Variants in BNIP3L observed in about 807,000 individuals in gnomAD.
The protein encoded by BNIP3L is BCL2 interacting protein 3 like, also known as BCL2/adenovirus E1B 19 kDa protein-interacting protein 3-like.
In BNIP3L, 10 loss-of-function variants were observed where a neutral mutation model predicts 25.5. The ratio of observed to expected loss-of-function variants is 0.39; its 90% CI spans 0.24 to 0.67. The LOEUF (loss-of-function observed/expected upper bound fraction) is 0.67. Ranked by LOEUF, BNIP3L falls within the 30% of genes least tolerant of loss-of-function variation. BNIP3L has a pLI of 0.45. For synonymous variants in BNIP3L, 113 were observed against 101.2 expected, an observed-to-expected ratio of 1.12 and a Z score of -0.70; for missense variants, 215 against 270.9, an observed-to-expected ratio of 0.79 and a Z score of 1.45.
In BNIP3L at chr8:26,407,986, ATTC is replaced by A. The variant is rs756249417; in HGVS notation, c.358-8_358-6del. 20 of 1,610,032 alleles carry A rather than the reference ATTC, an allele frequency of 1.2e-5. No homozygotes were observed. Among genetic ancestry groups the A allele is most frequent in the Admixed American group, 1.7e-5 (1 of 59,886 alleles). Reference sequence around the variant, plus strand: ...TCTTCCTTTTTTTCTTAAAGTTTGAATTCTTCTTTACAGTCAGAAGAAGAAGTT... The same window carrying A: ...TCTTCCTTTTTTTCTTAAAGTTTGAATTCTTTACAGTCAGAAGAAGAAGTT... On this transcript the variant is annotated splice_polypyrimidine_tract_variant and intron_variant, in intron 3 of 5. Coordinates refer to ENST00000380629, the MANE Select transcript of BNIP3L (RefSeq NM_004331.3).
chr8:26,391,798 A>G (rs915025847), intron 2 of BNIP3L, among the ~76,000 whole-genome samples: 4 of 152,210 alleles, frequency 2.6e-5, no homozygotes, highest in African/African-American at 4.8e-5. Flanking sequence ...TTACCTCTGT[A>G]TATATGTGTC....
chr8:26,390,615 G>A (rs1806085757), intron 1 of BNIP3L: 2 of 927,878 alleles, frequency 2.2e-6, no homozygotes, highest in African/African-American at 3.6e-5. Flanking sequence ...GCTTTTTTCT[G>A]AATTTTTAGC....
At chr8:26,404,992 G>A (rs1432247937) in intron 3 of BNIP3L, among the ~76,000 whole-genome samples, 1 of 152,208 alleles carries the variant, frequency 6.6e-6, no homozygotes, top group African/African-American at 2.4e-5. Flanking sequence ...GGTAGTGAAT[G>A]AGGAAAGCTT....
chr8:26,408,001 C>T lies in BNIP3L; in HGVS notation c.359C>T (p.Ser120Leu). Residue 120 changes from serine (S) to leucine (L), a missense_variant and splice_region_variant, in exon 4 of 6, where the codon TCA becomes TTA. Around this residue, in one of 4 missense-constraint regions of BNIP3L, gnomAD observed 47 missense variants for 43.3 expected, o/e 1.09. Transcript: ENST00000380629. ...MHTSRDHSSQ[S>L]EEEVVEGEKE... ...TAAAGTTTGAATTCTTCTTTACAGT[C>T]AGAAGAAGAAGTTGTAGAAGGAGAG... 6.2e-7 allele frequency: 1 copy of T among 1,613,028 alleles called. No individual in the cohort carries two copies.
intron 3 of BNIP3L, among the ~76,000 whole-genome samples, chr8:26,407,203 T>A (rs1172860858): frequency 6.6e-6 from 1 of 151,520 alleles, no homozygotes; most frequent in Non-Finnish European, 1.5e-5. Flanking sequence ...TTTTGTTTTT[T>A]GAGGCGGAGT....
intron 4 of BNIP3L, 30 bp downstream of exon 4, chr8:26,408,133 A>G (rs991166974): frequency 2.5e-6 from 4 of 1,612,622 alleles, no homozygotes; most frequent in Non-Finnish European, 3.4e-6. Flanking sequence ...TTGTCAGTGG[A>G]CACAGTTGAT....
intron 1 of BNIP3L, chr8:26,390,311 A>C: frequency 3.1e-6 from 3 of 966,540 alleles, no homozygotes; most frequent in Non-Finnish European, 3.7e-6. Context: ...TCAGACCAAT[A>C]AATATTTTCA....
At chr8:26,383,294 A>G in intron 1 of BNIP3L, 64 bp downstream of exon 1, 4 of 1,552,450 alleles carry the variant, frequency 2.6e-6, no homozygotes, top group South Asian at 2.3e-5. Flanking sequence ...GGCCGCCGCC[A>G]CCGGCGCGGC....
intron 1 of BNIP3L, among the ~76,000 whole-genome samples, chr8:26,384,430 A>G (rs1206568191): frequency 6.6e-6 from 1 of 152,218 alleles, no homozygotes; most frequent in Non-Finnish European, 1.5e-5. Context: ...TTTAAGTGTC[A>G]TATATTCCAG....
chr8:26,402,429 G>A (rs1585438119), intron 3 of BNIP3L, among the ~76,000 whole-genome samples: 1 of 152,098 alleles, frequency 6.6e-6, no homozygotes, highest in Non-Finnish European at 1.5e-5. Flanking sequence ...TCTTTGCCGT[G>A]GTCTTTCCTG....
intron 3 of BNIP3L, 91 bp downstream of exon 3, chr8:26,395,393 T>C (rs1806211016): frequency 7.4e-7 from 1 of 1,343,940 alleles, no homozygotes; most frequent in African/African-American, 1.5e-5. Flanking sequence ...TGAAGACTTT[T>C]AGGAATAGTT....
At position 26,408,247 on chromosome 8, in the gene BNIP3L, C is replaced by T. The variant is rs1178542746; in HGVS notation, c.482C>T (p.Pro161Leu). The stretch of plus-strand genomic sequence containing the variant: ...CTCAGGGAGTTCCACTTCAGACACC[C>T]TAAACGTTCTGTGTCTTTAAGCATG... ...IPPKEFHFRHPKRSVSLSMRK... is the reference protein window; with the variant it reads ...IPPKEFHFRHLKRSVSLSMRK... The change falls in exon 5 of 6, where the codon CCT (proline) becomes CTT (leucine). Residue 161 changes from proline (P) to leucine (L), a missense_variant. Transcript: ENST00000380629. 2 of 1,614,088 alleles carry T rather than the reference C, an allele frequency of 1.2e-6. No homozygotes were observed. The highest frequency in any genetic ancestry group is 1.7e-6 in the Non-Finnish European group (2 of 1,179,988).
intron 3 of BNIP3L, among the ~76,000 whole-genome samples, chr8:26,402,631 A>G (rs1471232930): frequency 6.6e-6 from 1 of 152,182 alleles, no homozygotes; most frequent in Non-Finnish European, 1.5e-5. Flanking sequence ...GCAGTAAAGA[A>G]ATTATAGTTT....
rs56159584 is a variant in BNIP3L at position 26,410,185 on chromosome 8, G to A, written c.612-179G>A. 9.1e-3 allele frequency among the ~76,000 whole-genome samples: 1,385 copies of A among 152,186 alleles called. 26 individuals are homozygous for A. The highest frequency in any genetic ancestry group is 0.031 in the African/African-American group (1,289 of 41,502). On this transcript the variant is annotated intron_variant, in intron 5 of 5. Transcript: ENST00000380629. ...AAACTCATATAAAACCAGTTTGGCC[G>A]GGCTGGTGACTGGTTTTAAGAAAGT...
intron 2 of BNIP3L, among the ~76,000 whole-genome samples, chr8:26,393,082 C>T (rs1012004973): frequency 2.6e-5 from 4 of 151,924 alleles, no homozygotes; most frequent in African/African-American, 4.8e-5. Context: ...GGTCATCTTT[C>T]AGAGAATGGC....
chr8:26,405,143 A>G (rs1806471742), intron 3 of BNIP3L, among the ~76,000 whole-genome samples: 1 of 152,224 alleles, frequency 6.6e-6, no homozygotes. Flanking sequence ...AAAAAAAATT[A>G]GAGCGTGAAA....
chr8:26,402,974 G>A (rs770450641), intron 3 of BNIP3L, among the ~76,000 whole-genome samples: 1 of 152,148 alleles, frequency 6.6e-6, no homozygotes, highest in Non-Finnish European at 1.5e-5. Context: ...GAATTCTAGA[G>A]TTGAATGCAT....
At position 26,410,385 on chromosome 8, in the gene BNIP3L, G is replaced by C; in HGVS notation, c.633G>C (p.Leu211=). 1.9e-6 allele frequency: 3 copies of C among 1,614,098 alleles called. No individual in the cohort carries two copies. Among genetic ancestry groups the C allele is most frequent in the Non-Finnish European group, 1.7e-6 (2 of 1,180,014 alleles). Residue 211 remains leucine, a synonymous_variant, in exon 6 of 6, where the codon CTG becomes CTC. Transcript: ENST00000380629. The part of the protein sequence containing the change: ...LGLGIYIGKR[L]STPSASTY ...TCAGCATCTATATTGGAAAGCGACT[G>C]AGCACACCCTCTGCCAGCACCTACT...
At chr8:26,390,392 G>C in intron 1 of BNIP3L, 3 of 985,366 alleles carry the variant, frequency 3.0e-6, no homozygotes, top group Non-Finnish European at 3.6e-6. Context: ...TTTTGTCCAA[G>C]AAAACTTTTC....
Sources: gnomAD v4.1 joint callset for allele counts (sites outside exome capture counted in the v4.1 genomes callset) on GRCh38, gnomAD v4.1.1 for gene constraint, gnomAD v4.1.1 regional missense constraint, MANE v1.5 for transcripts, NCBI Gene and HGNC (gene_info 2026-07-23, HGNC 2026-07-21) for gene names.